Variants in NPHS2 observed in about 807,000 individuals in gnomAD.
NPHS2 encodes the protein podocin.
Under a neutral mutation model 37.1 loss-of-function variants are expected in NPHS2, and 36 were observed. That is an observed-to-expected ratio of 0.97 (90% CI 0.74 to 1.28). NPHS2 has a LOEUF of 1.28. Among genes scored for constraint, NPHS2 ranks in the 50% most tolerant of loss-of-function variants. The probability of loss-of-function intolerance (pLI) is 0.00; values close to 1 mark genes in which losing one functional copy is unlikely to be tolerated. For missense variants in NPHS2, 447 were observed against 488.1 expected, an observed-to-expected ratio of 0.92 and a Z score of 0.79; for synonymous variants, 196 against 189.3, an observed-to-expected ratio of 1.04 and a Z score of -0.29.
intron 1 of NPHS2, among the ~76,000 whole-genome samples, chr1:179,570,241 G>A (rs1430703031): frequency 1.3e-5 from 2 of 152,142 alleles, no homozygotes; most frequent in East Asian, 3.9e-4. Flanking sequence ...GGAATTTAAA[G>A]ACACACACAC....
chr1:179,552,406 T>C, intron 7 of NPHS2, 197 bp downstream of exon 7: 1 of 627,034 alleles, frequency 1.6e-6, no homozygotes, highest in Non-Finnish European at 2.9e-6. Context: ...TATCAGTAGC[T>C]TCAGAGAGGG....
intron 1 of NPHS2, 61 bp from the exon 2 acceptor site, chr1:179,564,854 C>T: frequency 7.6e-7 from 1 of 1,322,300 alleles, no homozygotes; most frequent in Non-Finnish European, 1.1e-6. Context: ...CACTGACTAG[C>T]ATCTGTTGGT....
rs767916334 is a variant in NPHS2 at position 179,575,835 on chromosome 1, C to G, written c.30G>C (p.Arg10Ser). Residue 10 changes from arginine to serine, a missense_variant, in exon 1 of 8, where the codon AGG becomes AGC. By Grantham distance (110) the Arg-to-Ser change is moderately radical (BLOSUM62 -1). Coordinates refer to ENST00000367615, the MANE Select transcript of NPHS2 (RefSeq NM_014625.4). MERRARSSS[R>S]ESRGRGGRTP... The stretch of plus-strand genomic sequence containing the variant: ...TCCTGCCGCCTCGCCCGCGGGACTC[C>G]CTGGAGGAGCTCCGCGCCCTCCTCT... The G allele has an allele frequency of 4.2e-6, 6 of 1,441,886 alleles. No individual in the cohort carries two copies. In the East Asian group the frequency reaches 1.1e-4, roughly 26 times the overall value. The allele number at this position is 1,441,886 out of a possible 1,614,324, so 89.3% of individuals were successfully genotyped here. A position where few individuals can be genotyped will look rare whatever the true frequency, so the allele number is the denominator to read the frequency against.
intron 2 of NPHS2, among the ~76,000 whole-genome samples, chr1:179,563,545 C>T (rs913836889): frequency 6.6e-5 from 10 of 152,148 alleles, no homozygotes; most frequent in African/African-American, 9.7e-5. Flanking sequence ...AACATCATCT[C>T]CAGGATAGAT....
chr1:179,560,104 T>C (rs1674080147), intron 3 of NPHS2, among the ~76,000 whole-genome samples: 1 of 152,176 alleles, frequency 6.6e-6, no homozygotes, highest in African/African-American at 2.4e-5. Context: ...AGCCTTAGTG[T>C]CTGACTTAGT....
intron 2 of NPHS2, 141 bp downstream of exon 2, chr1:179,564,549 G>A (rs1411054844): frequency 2.6e-6 from 2 of 761,852 alleles, no homozygotes; most frequent in Non-Finnish European, 4.7e-6. Context: ...GGAGGAGTAA[G>A]CTATCCTGGA....
At chr1:179,567,981 C>T (rs1046765871) in intron 1 of NPHS2, among the ~76,000 whole-genome samples, 10 of 152,062 alleles carry the variant, frequency 6.6e-5, no homozygotes, top group African/African-American at 1.2e-4. Flanking sequence ...ATTTTTGCAT[C>T]GATGTTCATC....
At chr1:179,553,955 G>A (rs7546708) in intron 6 of NPHS2, among the ~76,000 whole-genome samples, 90,232 of 146,024 alleles carry the variant, frequency 0.62, 27,896 homozygotes, top group Admixed American at 0.65. Flanking sequence ...CTCTGTGGTC[G>A]TGGCTGAAGC....
chr1:179,568,507 G>C (rs941214927), intron 1 of NPHS2, among the ~76,000 whole-genome samples: 7 of 152,042 alleles, frequency 4.6e-5, no homozygotes, highest in Non-Finnish European at 7.4e-5. Context: ...CCAGCTCCTG[G>C]ATTCATTGAT....
chr1:179,562,348 G>A (rs2125788477), intron 2 of NPHS2, among the ~76,000 whole-genome samples: 1 of 152,258 alleles, frequency 6.6e-6, no homozygotes, highest in East Asian at 1.9e-4. Context: ...TTATTTACAT[G>A]TTAAGATATG....
rs772149411 is a variant in NPHS2, at chr1:179,557,156, G to T, written c.609C>A (p.Leu203=). The T allele has an allele frequency of 3.7e-6, 6 of 1,614,034 alleles. No individual in the cohort carries two copies. In the Admixed American group the frequency reaches 1.0e-4, roughly 27 times the overall value. Residue 203 remains leucine, a synonymous_variant, in exon 5 of 8, where the codon CTC becomes CTA. Transcript: ENST00000367615. ...TAGATACATGAGCAAGACTGCTTAGGAGAAGAGAGGCATTTTCCATTCGGT... is the reference window on the plus strand; with the variant it reads ...TAGATACATGAGCAAGACTGCTTAGTAGAAGAGAGGCATTTTCCATTCGGT... The part of the protein sequence containing the change: ...CYYRMENASL[L]LSSLAHVSKA...
chr1:179,566,337 C>T (rs1480491608), intron 1 of NPHS2, among the ~76,000 whole-genome samples: 1 of 152,192 alleles, frequency 6.6e-6, no homozygotes, highest in East Asian at 1.9e-4. Flanking sequence ...AGTATTTTTT[C>T]ATGTGTCTGT....
In NPHS2 at chr1:179,575,705, G is replaced by A; in HGVS notation, c.160C>T (p.Pro54Ser). 1.9e-6 allele frequency: 3 copies of A among 1,572,150 alleles called. No individual in the cohort carries two copies. Among genetic ancestry groups the A allele is most frequent in the Non-Finnish European group, 2.6e-6 (3 of 1,164,684 alleles). ...GCGGCGGGCGCTCGGGGCTCCCCCG[G>A]GGTCCCCGCCCGTCCGGAGCCCGAC... The part of the protein sequence containing the change: ...EPSGSGRAGT[P>S]GEPRAPAATV... Residue 54 changes from proline to serine, a missense_variant, in exon 1 of 8, where the codon CCG (proline) becomes TCG (serine). Coordinates refer to ENST00000367615, the MANE Select transcript of NPHS2 (RefSeq NM_014625.4).
At chr1:179,569,233 T>C (rs1674453083) in intron 1 of NPHS2, among the ~76,000 whole-genome samples, 1 of 152,078 alleles carries the variant, frequency 6.6e-6, no homozygotes, top group Non-Finnish European at 1.5e-5. Flanking sequence ...ATCTGGGTGC[T>C]CCTGTATTGG....
intron 1 of NPHS2, among the ~76,000 whole-genome samples, chr1:179,570,598 T>C (rs1441715907): frequency 6.6e-6 from 1 of 152,216 alleles, no homozygotes; most frequent in Non-Finnish European, 1.5e-5. Flanking sequence ...GCTTGGGCGT[T>C]AGGGCCATTA....
intron 2 of NPHS2, among the ~76,000 whole-genome samples, chr1:179,562,655 T>G (rs1385945814): frequency 6.6e-6 from 1 of 152,224 alleles, no homozygotes; most frequent in Non-Finnish European, 1.5e-5. Context: ...CCTTTGAGGC[T>G]GGGAACCATG....
At chr1:179,564,299 C>T (rs1674254063) in intron 2 of NPHS2, among the ~76,000 whole-genome samples, 2 of 152,186 alleles carry the variant, frequency 1.3e-5, no homozygotes, top group African/African-American at 2.4e-5. Flanking sequence ...CACCTGTGGG[C>T]CAAACATAAT....
chr1:179,551,247 T>A lies in NPHS2; in HGVS notation c.1078A>T (p.Ser360Cys). Residue 360 changes from serine to cysteine, a missense_variant, in exon 8 of 8, where the codon AGC becomes TGC. Transcript: ENST00000367615. Reference sequence around the variant, plus strand: ...TTGGAAGGACTTGGGAAGGGGAGGCTTCCCTGAGTTCTGTTGCTGGGAGAA... The same window carrying A: ...TTGGAAGGACTTGGGAAGGGGAGGCATCCCTGAGTTCTGTTGCTGGGAGAA... ...LSSPSNRTQG[S>C]LPFPSPSKPV... 2 of 1,614,142 alleles carry A rather than the reference T, an allele frequency of 1.2e-6. No individual in the cohort carries two copies. The highest frequency in any genetic ancestry group is 1.7e-6 in the Non-Finnish European group (2 of 1,180,014).
Position 179,564,679 on chromosome 1 carries a change from T to G in NPHS2, c.378+11A>C, listed in dbSNP as rs1340431856. The G allele has an allele frequency of 6.2e-7, 1 of 1,610,306 alleles. No individual in the cohort carries two copies. ...CAGGAAATTACCTATTGGGTCCTTA[T>G]GGAATCTCACCTTTACGCAGAACCA... On this transcript the variant is annotated intron_variant, in intron 2 of 7. Coordinates refer to ENST00000367615, the MANE Select transcript of NPHS2 (RefSeq NM_014625.4).
Sources: gnomAD v4.1 joint callset for allele counts (sites outside exome capture counted in the v4.1 genomes callset) on GRCh38, gnomAD v4.1.1 for gene constraint, MANE v1.5 for transcripts, NCBI Gene and HGNC (gene_info 2026-07-23, HGNC 2026-07-21) for gene names.